Variants in TP53BP2 observed in about 807,000 individuals in gnomAD.
TP53BP2 encodes tumor protein p53 binding protein 2.
Under a neutral mutation model 126.2 loss-of-function variants are expected in TP53BP2, and 62 were observed. The observed-to-expected ratio is 0.49, with a 90% CI of 0.40 to 0.61. The LOEUF is 0.61. Among genes scored for constraint, TP53BP2 ranks in the 20% least tolerant of loss-of-function variants. The probability of loss-of-function intolerance (pLI) is 0.00; values close to 1 mark genes in which losing one functional copy is unlikely to be tolerated. For missense variants in TP53BP2, 1,215 were observed against 1,402.8 expected (o/e 0.87, Z 2.14); for synonymous variants, 485 against 502.9 (o/e 0.96, Z 0.48).
intron 9 of TP53BP2, among the ~76,000 whole-genome samples, chr1:223,801,217 T>C (rs1662514875): frequency 6.6e-6 from 1 of 152,228 alleles, no homozygotes; most frequent in South Asian, 2.1e-4. Flanking sequence ...CTGCACTCTT[T>C]CACAAATCAG....
chr1:223,816,582 T>A (rs1663094991), intron 2 of TP53BP2, among the ~76,000 whole-genome samples: 1 of 152,188 alleles, frequency 6.6e-6, no homozygotes, highest in East Asian at 1.9e-4. Context: ...GGCAACCACA[T>A]TTGAAATCAG....
At chr1:223,815,553 T>C (rs1364185234) in intron 2 of TP53BP2, among the ~76,000 whole-genome samples, 1 of 152,190 alleles carries the variant, frequency 6.6e-6, no homozygotes, top group African/African-American at 2.4e-5. Context: ...GTAAAGTAGC[T>C]TGCTGTCCAC....
At chr1:223,800,639 T>C (rs946951699) in intron 10 of TP53BP2, 61 bp downstream of exon 10, 4 of 1,209,564 alleles carry the variant, frequency 3.3e-6, no homozygotes, top group Non-Finnish European at 4.7e-6. Context: ...TCTAAAAGAA[T>C]ACACAGCACC....
At chr1:223,844,049 T>C (rs1558115246) in intron 1 of TP53BP2, among the ~76,000 whole-genome samples, 2 of 152,306 alleles carry the variant, frequency 1.3e-5, no homozygotes, top group South Asian at 4.1e-4. Context: ...TATCCCCATT[T>C]TACAGATGAT....
intron 6 of TP53BP2, 23 bp downstream of exon 6, chr1:223,804,151 T>A (rs1662632496): frequency 6.3e-7 from 1 of 1,586,682 alleles, no homozygotes; most frequent in African/African-American, 1.4e-5. Context: ...TATAAAAAAG[T>A]AAATCTATGA....
At position 223,845,638 on chromosome 1, in the gene TP53BP2, C is replaced by T. The variant is rs1664245225; in HGVS notation, c.27+16G>A. 4 of 1,551,084 alleles carry T rather than the reference C, an allele frequency of 2.6e-6. No homozygotes were observed. The highest frequency in any genetic ancestry group is 1.9e-5 in the Admixed American group (1 of 53,994). On this transcript the variant is annotated intron_variant, in intron 1 of 17. Coordinates refer to ENST00000343537, the MANE Select transcript of TP53BP2 (RefSeq NM_001031685.3). Reference sequence around the variant, plus strand: ...CACACTTCCGGGCCCGACGCCCTGGCCGCTCGCCCACTTACCGGCATCATC... The same window carrying T: ...CACACTTCCGGGCCCGACGCCCTGGTCGCTCGCCCACTTACCGGCATCATC...
At chr1:223,821,187 G>C in intron 2 of TP53BP2, 33 bp downstream of exon 2, 1 of 1,613,598 alleles carries the variant, frequency 6.2e-7, no homozygotes, top group Non-Finnish European at 8.5e-7. Context: ...GAAGACAGAA[G>C]AACTAAAGCA....
At chr1:223,805,831 C>T (rs1173591792) in intron 5 of TP53BP2, among the ~76,000 whole-genome samples, 1 of 152,238 alleles carries the variant, frequency 6.6e-6, no homozygotes, top group Non-Finnish European at 1.5e-5. Context: ...GACACAACCA[C>T]ACCATCTGTT....
intron 2 of TP53BP2, among the ~76,000 whole-genome samples, chr1:223,815,328 A>G (rs551901155): frequency 3.3e-4 from 50 of 152,358 alleles, no homozygotes; most frequent in Admixed American, 2.0e-4. Context: ...TTCCAGTAAC[A>G]TAACATACTG....
Position 223,793,313 on chromosome 1 carries a change from A to T in TP53BP2, c.2852T>A (p.Ile951Asn). 6.3e-7 allele frequency: 1 copy of T among 1,589,884 alleles called. No individual in the cohort carries two copies. The highest frequency in any genetic ancestry group is 1.4e-5 in the African/African-American group (1 of 73,476). The change falls in exon 14 of 18, where the codon ATT (isoleucine) becomes AAT (asparagine). Residue 951 changes from isoleucine (I) to asparagine (N), a missense_variant. By Grantham distance (149) the Ile-to-Asn change is moderately radical. Around this residue, in one of 4 missense-constraint regions of TP53BP2, gnomAD observed 204 missense variants for 225.7 expected, o/e 0.90. Transcript: ENST00000343537. ...LEGEFDLVQR[I>N]IYEVDDPSLP... ...TAATTATAATCATACCTCATAAATA[A>T]TTCTCTGTACAAGGTCAAATTCTCC...
intron 8 of TP53BP2, 83 bp downstream of exon 8, chr1:223,802,648 G>C: frequency 1.3e-6 from 2 of 1,487,116 alleles, no homozygotes; most frequent in Non-Finnish European, 9.2e-7. Context: ...TAATGATTCT[G>C]AAGAAGATGC....
rs1468690003 is a variant in TP53BP2 at position 223,780,715 on chromosome 1, C to G, written c.*138G>C. ...GGTGAATTCTTCAATCCTTCATTCT[C>G]TTCTAGAGACATTCTTCATCGCTTT... is the stretch of plus-strand genomic sequence containing the variant. On this transcript the variant is annotated 3_prime_UTR_variant, in exon 18 of 18. Coordinates refer to ENST00000343537, the MANE Select transcript of TP53BP2 (RefSeq NM_001031685.3). 2 of 800,812 alleles carry G rather than the reference C, an allele frequency of 2.5e-6. No individual in the cohort carries two copies. Among genetic ancestry groups the G allele is most frequent in the African/African-American group, 3.5e-5 (2 of 57,420 alleles). 49.6% of individuals were successfully genotyped at this position (800,812 alleles called of 1,614,324 possible).
chr1:223,822,660 CA>C (rs397968382), intron 1 of TP53BP2, among the ~76,000 whole-genome samples: 162 of 114,688 alleles, frequency 1.4e-3, no homozygotes, highest in East Asian at 2.1e-3. Flanking sequence ...GACCCTGACT[CA>C]AAAAAAAAAA....
rs543213118 is a variant in TP53BP2 at position 223,780,794 on chromosome 1, G to A, written c.*59C>T. ...TGTGAAATTTTTGCCAAAAATAATC[G>A]TATTACTTCTTCTTAACAGAGATTA... On this transcript the variant is annotated 3_prime_UTR_variant, in exon 18 of 18. Transcript: ENST00000343537. 6.2e-5 allele frequency: 97 copies of A among 1,560,018 alleles called. 1 individual carries two copies. The South Asian group carries it at 7.8e-4, about 13-fold the overall frequency.
chr1:223,818,506 A>G (rs1663175099), intron 2 of TP53BP2, among the ~76,000 whole-genome samples: 3 of 151,004 alleles, frequency 2.0e-5, no homozygotes, highest in African/African-American at 2.4e-5. Flanking sequence ...CCATCTCAAA[A>G]AAAAAAAAAA....
chr1:223,826,096 G>A (rs1571869880), intron 1 of TP53BP2: 1 of 152,306 alleles, frequency 6.6e-6, no homozygotes, highest in Non-Finnish European at 1.5e-5. Context: ...TAAGGTCTGG[G>A]AGAAGAATGT....
In TP53BP2 at chr1:223,789,087, G is replaced by C. The variant is rs761126244; in HGVS notation, c.3084C>G (p.Thr1028=). ...VESGAAVFAM[T]YSDMQTAADK... ...CTGCAGCAGTCTGCATGTCACTGTA[G>C]GTCATGGCAAACACAGCGGCTCCTG... The change falls in exon 16 of 18, where the codon ACC becomes ACG. Residue 1028 remains threonine, a synonymous_variant. Transcript: ENST00000343537. 6.2e-7 allele frequency: 1 copy of C among 1,614,176 alleles called. No individual in the cohort carries two copies. Among genetic ancestry groups the C allele is most frequent in the Non-Finnish European group, 8.5e-7 (1 of 1,180,016 alleles).
chr1:223,804,882 G>A (rs1662663250), intron 5 of TP53BP2, among the ~76,000 whole-genome samples: 1 of 152,170 alleles, frequency 6.6e-6, no homozygotes, highest in South Asian at 2.1e-4. Flanking sequence ...TAAATGAAGT[G>A]TGAAATGTAA....
Position 223,845,792 on chromosome 1 carries a change from G to GGCGGCGGCA in TP53BP2, c.-121_-113dup, listed in dbSNP as rs1273658120. The GGCGGCGGCA allele has an allele frequency of 8.1e-6, 9 of 1,106,254 alleles. No individual in the cohort carries two copies. Among genetic ancestry groups the GGCGGCGGCA allele is most frequent in the Admixed American group, 4.5e-5 (1 of 22,346 alleles). The allele number at this position is 1,106,254 out of a possible 1,614,324, so 68.5% of individuals were successfully genotyped here. ...CCGCCCGGACCTGTTGCGAGGCGGC[G>GGCGGCGGCA]GCGGCGGCAGCGGCGGCGCGCGGGT... On this transcript the variant is annotated 5_prime_UTR_variant, in exon 1 of 18. Transcript: ENST00000343537.
Sources: gnomAD v4.1 joint callset for allele counts (sites outside exome capture counted in the v4.1 genomes callset) on GRCh38, gnomAD v4.1.1 for gene constraint, gnomAD v4.1.1 regional missense constraint, MANE v1.5 for transcripts, NCBI Gene and HGNC (gene_info 2026-07-23, HGNC 2026-07-21) for gene names.